BCL11A: variants seen among roughly 807,000 people sequenced by gnomAD.
The protein encoded by BCL11A is BCL11 transcription factor A.
In BCL11A, 2 loss-of-function variants were observed where a neutral mutation model predicts 55.9. The ratio of observed to expected loss-of-function variants is 0.04; its 90% confidence interval spans 0.01 to 0.11. The LOEUF is 0.11. Among genes scored for constraint, BCL11A ranks in the 10% least tolerant of loss-of-function variants. The pLI is 1.00. For missense variants in BCL11A, 817 were observed against 1,137.1 expected, an observed-to-expected ratio of 0.72 and a Z score of 4.05; for synonymous variants, 465 against 473.4, an observed-to-expected ratio of 0.98 and a Z score of 0.23.
chr2:60,454,921 C>T (rs1048619180), downstream of BCL11A, among the ~76,000 whole-genome samples: 6 of 152,138 alleles, frequency 3.9e-5, no homozygotes, highest in African/African-American at 1.4e-4. Context: ...ACAGAATGCC[C>T]TGGGAAAAAC....
chr2:60,454,044 A>G (rs1020302676), downstream of BCL11A, among the ~76,000 whole-genome samples: 1 of 150,480 alleles, frequency 6.6e-6, no homozygotes, highest in Non-Finnish European at 1.5e-5. Context: ...GAGAGAGAGA[A>G]AGAGAGAGAG....
At chr2:60,529,864 G>T (rs1009171686) in intron 2 of BCL11A, among the ~76,000 whole-genome samples, 1 of 152,170 alleles carries the variant, frequency 6.6e-6, no homozygotes, top group Non-Finnish European at 1.5e-5. Context: ...GAAAGCCCTG[G>T]TGTCCCCTAG....
intron 1 of BCL11A, among the ~76,000 whole-genome samples, chr2:60,548,558 A>C (rs1670255447): frequency 6.6e-6 from 1 of 152,204 alleles, no homozygotes; most frequent in African/African-American, 2.4e-5. Context: ...CATTTCACCT[A>C]ATTAATTTTA....
chr2:60,506,857 A>G (rs1042901947), intron 2 of BCL11A, among the ~76,000 whole-genome samples: 4 of 152,178 alleles, frequency 2.6e-5, no homozygotes, highest in African/African-American at 9.7e-5. Flanking sequence ...TAAACATTCA[A>G]TTAATGTAAT....
chr2:60,548,705 T>G (rs1052763247), intron 1 of BCL11A, among the ~76,000 whole-genome samples: 1 of 152,256 alleles, frequency 6.6e-6, no homozygotes, highest in African/African-American at 2.4e-5. Flanking sequence ...GAAATACGTT[T>G]AACATCGGTC....
chr2:60,460,923 G>A lies in BCL11A; in HGVS notation c.1989C>T (p.Tyr663=), dbSNP rs1196538777. 1.2e-6 allele frequency: 2 copies of A among 1,612,646 alleles called. No individual in the cohort carries two copies. Among genetic ancestry groups the A allele is most frequent in the South Asian group, 1.1e-5 (1 of 91,092 alleles). Residue 663 remains tyrosine, a synonymous_variant, in exon 4 of 4, where the codon TAC becomes TAT. Coordinates refer to ENST00000642384, the MANE Select transcript of BCL11A (RefSeq NM_022893.4). ...ENVYSQWLAG[Y]AASRQLKDPF... ...GATCTTTGAGCTGCCTGGAGGCCGC[G>A]TAGCCGGCGAGCCACTGCGAGTACA...
chr2:60,460,328 C>T lies in BCL11A; in HGVS notation c.*76G>A. 1.3e-6 allele frequency: 2 copies of T among 1,526,702 alleles called. No individual in the cohort carries two copies. The allele number at this position is 1,526,702 out of a possible 1,614,324, so 94.6% of individuals were successfully genotyped here. ...GAAAAAAATCCTACAGGGAGTGGGG[C>T]TGGAGGGCGATGGGGAAGGGGAGTG... On this transcript the variant is annotated 3_prime_UTR_variant, in exon 4 of 4. Coordinates refer to ENST00000642384, the MANE Select transcript of BCL11A (RefSeq NM_022893.4).
At chr2:60,467,138 T>TGG (rs1676687968) in intron 3 of BCL11A, among the ~76,000 whole-genome samples, 10 of 61,752 alleles carry the variant, frequency 1.6e-4, no homozygotes, top group South Asian at 5.6e-4. Context: ...GATGGTGGTG[T>TGG]TGGTGGTGAT....
chr2:60,510,684 G>A (rs1420554257), intron 2 of BCL11A, among the ~76,000 whole-genome samples: 1 of 152,194 alleles, frequency 6.6e-6, no homozygotes, highest in Non-Finnish European at 1.5e-5. Context: ...GCATGTGGCA[G>A]GTGTTCAAAA....
intron 2 of BCL11A, chr2:60,526,441 T>C (rs1377942641): frequency 6.6e-6 from 1 of 152,230 alleles, no homozygotes; most frequent in Non-Finnish European, 1.5e-5. Context: ...TTGTCTCCTA[T>C]GCATCTCCCC....
rs1397643575 is a variant in BCL11A at position 60,461,162 on chromosome 2, T to G, written c.1750A>C (p.Thr584Pro). 3 of 1,612,430 alleles carry G rather than the reference T, an allele frequency of 1.9e-6. No homozygotes were observed. Among genetic ancestry groups the G allele is most frequent in the Non-Finnish European group, 2.5e-6 (3 of 1,179,812 alleles). The change falls in exon 4 of 4, where the codon ACT (threonine) becomes CCT (proline). Residue 584 changes from threonine (T) to proline (P), a missense_variant. This residue lies in a region of BCL11A where 379 missense variants were observed against 425.3 expected (regional missense o/e 0.89). Transcript: ENST00000642384. ...CCGGCCACCGAGTCTTCGTCGCAAG[T>G]GTCCCTGTGGCCCTCGGCCTCGGCC... is the stretch of plus-strand genomic sequence containing the variant. The part of the protein sequence containing the change: ...HLAEAEGHRD[T>P]CDEDSVAGES...
In BCL11A at chr2:60,468,014, G is replaced by A. The variant is rs1210562357; in HGVS notation, c.487+718C>T. ...GGTAATGGTGGTGGTGGTGATGGTG[G>A]TGGTGGTGGTAGTGGTGGTGATGGT... is the stretch of plus-strand genomic sequence containing the variant. On this transcript the variant is annotated intron_variant, in intron 3 of 3. Transcript: ENST00000642384. 4.2e-4 allele frequency among the ~76,000 whole-genome samples: 9 copies of A among 21,542 alleles called. 1 individual carries two copies. The highest frequency in any genetic ancestry group is 7.4e-4 in the African/African-American group (5 of 6,792). The allele number at this position is 21,542 out of a possible 152,430, so 14.1% of individuals were successfully genotyped here.
chr2:60,544,092 T>C (rs1445478457), intron 2 of BCL11A: 5 of 152,196 alleles, frequency 3.3e-5, no homozygotes, highest in Admixed American at 3.3e-4. Flanking sequence ...AGGCACAGAA[T>C]TTTTGAGCTG....
At position 60,461,842 on chromosome 2, in the gene BCL11A, G is replaced by A. The variant is rs1558613650; in HGVS notation, c.1070C>T (p.Thr357Met). The change falls in exon 4 of 4, where the codon ACG (threonine) becomes ATG (methionine). Residue 357 changes from threonine (T) to methionine (M), a missense_variant. Physicochemically the swap from Thr to Met is moderately conservative, Grantham distance 81. This residue lies in a region of BCL11A where 363 missense variants were observed against 486.6 expected (regional missense o/e 0.75). Transcript: ENST00000642384. ...QPGSKPPFLA[T>M]PPLPPLQSAP... ...GGATTGCAGAGGAGGGAGGGGGGGC[G>A]TCGCCAGGAAGGGCGGCTTGCTACC... 1 of 1,613,254 alleles carries A rather than the reference G, an allele frequency of 6.2e-7. No individual in the cohort carries two copies. Among genetic ancestry groups the A allele is most frequent in the South Asian group, 1.1e-5 (1 of 91,068 alleles).
intron 3 of BCL11A, among the ~76,000 whole-genome samples, chr2:60,464,791 C>CT (rs2103889444): frequency 6.6e-6 from 1 of 152,266 alleles, no homozygotes; most frequent in South Asian, 2.1e-4. Context: ...GCATCCTAAA[C>CT]TTTTTTTCAG....
intron 2 of BCL11A, chr2:60,524,913 A>T (rs1573057163): frequency 6.6e-6 from 1 of 152,378 alleles, no homozygotes. Context: ...AGTTTAAAAA[A>T]TGGATTGCAA....
chr2:60,481,674 C>T (rs1232183107), intron 2 of BCL11A, among the ~76,000 whole-genome samples: 1 of 152,174 alleles, frequency 6.6e-6, no homozygotes, highest in Non-Finnish European at 1.5e-5. Context: ...CCACCCCCTA[C>T]ATCTTTCTTT....
chr2:60,550,648 A>AC (rs972657073), intron 1 of BCL11A, among the ~76,000 whole-genome samples: 10 of 151,402 alleles, frequency 6.6e-5, no homozygotes, highest in African/African-American at 2.4e-4. Context: ...TGGCCCCCTC[A>AC]CCCCCTCCCA....
At chr2:60,477,461 G>A (rs1396215733) in intron 2 of BCL11A, among the ~76,000 whole-genome samples, 1 of 152,148 alleles carries the variant, frequency 6.6e-6, no homozygotes, top group African/African-American at 2.4e-5. Flanking sequence ...TGGGTGGAGG[G>A]GCAAGGGGAG....
Sources: allele counts gnomAD v4.1 joint callset (sites outside exome capture counted in the v4.1 genomes callset), GRCh38; gene constraint gnomAD v4.1.1; regional missense constraint gnomAD v4.1.1; transcripts MANE v1.5; gene names NCBI Gene and HGNC (gene_info 2026-07-23, HGNC 2026-07-21).